The following RTTN variants were observed in gnomAD, a reference collection of about 807,000 sequenced individuals.
RTTN encodes rotatin.
RTTN carries 182 observed loss-of-function variants against 269.2 expected under a neutral mutation model. The observed-to-expected ratio is 0.68, with a 90% CI of 0.60 to 0.76. The LOEUF (loss-of-function observed/expected upper bound fraction) is 0.76, where lower values mean the gene tolerates loss of function less well. Ranked by LOEUF, RTTN falls within the 30% of genes least tolerant of loss-of-function variation. The pLI, the probability that RTTN is intolerant of heterozygous loss-of-function variation, is 0.00. For missense variants in RTTN, 2,545 were observed against 2,608.6 expected (o/e 0.98, Z 0.53); for synonymous variants, 1,006 against 963.5 (o/e 1.04, Z -0.82).
intron 21 of RTTN, among the ~76,000 whole-genome samples, chr18:70,137,899 G>A (rs1399403449): frequency 6.6e-6 from 1 of 152,146 alleles, no homozygotes; most frequent in East Asian, 1.9e-4. Context: ...TATAACCCAA[G>A]GGCCTAGCAT....
At chr18:70,023,261 G>C (rs769438656) in intron 44 of RTTN, among the ~76,000 whole-genome samples, 8 of 152,140 alleles carry the variant, frequency 5.3e-5, no homozygotes, top group Non-Finnish European at 8.8e-5. Flanking sequence ...CCAGATTCCT[G>C]AGCCACAGAA....
At chr18:70,140,497 T>G (rs369099197) in intron 19 of RTTN, among the ~76,000 whole-genome samples, 1 of 152,288 alleles carries the variant, frequency 6.6e-6, no homozygotes, top group East Asian at 1.9e-4. Flanking sequence ...AATGCTTATA[T>G]TTATACATGC....
At chr18:70,035,611 A>AG (rs1229992881) in intron 40 of RTTN, among the ~76,000 whole-genome samples, 2 of 152,256 alleles carry the variant, frequency 1.3e-5, no homozygotes, top group Non-Finnish European at 2.9e-5. Flanking sequence ...AAACGCTGGA[A>AG]GACAACCTAG....
chr18:70,197,737 A>G lies in RTTN; in HGVS notation c.580T>C (p.Ser194Pro), dbSNP rs2061846932. Residue 194 changes from serine to proline, a missense_variant and splice_region_variant, in exon 6 of 49, where the codon TCT becomes CCT. Ser to Pro is a moderately conservative substitution (Grantham distance 74, BLOSUM62 -1). Coordinates refer to ENST00000640769, the MANE Select transcript of RTTN (RefSeq NM_173630.4). ...AAAGTGTGGTTACTACTTCTTAAAG[A>G]GCTACAAAACATAGCGTTAATCATT... is the stretch of plus-strand genomic sequence containing the variant. ...DRHVLSSNES[S>P]LRSSNHTLIW... The G allele has an allele frequency of 1.3e-6, 2 of 1,562,368 alleles. No homozygotes were observed. Among genetic ancestry groups the G allele is most frequent in the African/African-American group, 2.7e-5 (2 of 73,976 alleles).
rs1257564495 is a variant in RTTN, at chr18:70,047,972, T to C, written c.5540A>G (p.Gln1847Arg). 6.2e-7 allele frequency: 1 copy of C among 1,611,498 alleles called. No homozygotes were observed. The highest frequency in any genetic ancestry group is 8.5e-7 in the Non-Finnish European group (1 of 1,177,842). Residue 1847 changes from glutamine to arginine, a missense_variant and splice_region_variant, in exon 40 of 49, where the codon CAG becomes CGG. Physicochemically the swap from Gln to Arg is conservative, Grantham distance 43. Coordinates refer to ENST00000640769, the MANE Select transcript of RTTN (RefSeq NM_173630.4). ...TTGAAAAACCAAGAAATGACGTACC[T>C]GAAGGATTACATCACTAAGTTGTTC... ...SLEQLSDVIL[Q>R]CYEGKSSKDI...
At chr18:70,131,114 A>C (rs1334833373) in intron 23 of RTTN, 1 of 142,620 alleles carries the variant, frequency 7.0e-6, no homozygotes, top group Non-Finnish European at 1.5e-5. Flanking sequence ...ACCTAGTGAT[A>C]ACATTTTTTA....
In RTTN at chr18:70,204,234, G is replaced by C. The variant is rs768271072; in HGVS notation, c.249C>G (p.Asp83Glu). Reference protein sequence around the residue: ...KYPPAVQHLVDVGAVEFLSKL... With the variant: ...KYPPAVQHLVEVGAVEFLSKL... ...TAGATAAGAACTCTACTGCACCAACGTCAACCAAATGTTGGACTGCTGGGG... is the reference window on the plus strand; with the variant it reads ...TAGATAAGAACTCTACTGCACCAACCTCAACCAAATGTTGGACTGCTGGGG... Residue 83 changes from aspartate to glutamate, a missense_variant, in exon 3 of 49, where the codon GAC (aspartate) becomes GAG (glutamate). Coordinates refer to ENST00000640769, the MANE Select transcript of RTTN (RefSeq NM_173630.4). 5.0e-6 allele frequency: 8 copies of C among 1,612,360 alleles called. No individual in the cohort carries two copies. The South Asian group carries it at 6.6e-5, about 13-fold the overall frequency.
chr18:70,062,980 G>A lies in RTTN; in HGVS notation c.4747+2849C>T, dbSNP rs551316466. ...ATATGTTTATCATTATCTATATATT[G>A]TTATATATCTATCAAAAACTATCCT... On this transcript the variant is annotated intron_variant, in intron 35 of 48. Transcript: ENST00000640769. 2.0e-5 allele frequency among the ~76,000 whole-genome samples: 3 copies of A among 152,008 alleles called. No homozygotes were observed. The South Asian group carries it at 6.2e-4, about 32-fold the overall frequency.
At chr18:70,062,734 C>T (rs1377648573) in intron 35 of RTTN, among the ~76,000 whole-genome samples, 3 of 151,634 alleles carry the variant, frequency 2.0e-5, no homozygotes, top group African/African-American at 7.3e-5. Flanking sequence ...ACCTCAGCCT[C>T]CTGAGTAGCT....
rs975699029 is a variant in RTTN at position 70,142,171 on chromosome 18, A to G, written c.2581+117T>C. On this transcript the variant is annotated intron_variant, in intron 19 of 48. Coordinates refer to ENST00000640769, the MANE Select transcript of RTTN (RefSeq NM_173630.4). The stretch of plus-strand genomic sequence containing the variant: ...CCATTCTTGAGGGCTGTCAAAAAAA[A>G]GGCCACAGGCTGGATCTGGCGCATA... The G allele has an allele frequency of 9.4e-6, 6 of 637,248 alleles. No homozygotes were observed. In the Admixed American group the frequency reaches 1.1e-4, roughly 12 times the overall value. 39.5% of individuals were successfully genotyped at this position (637,248 alleles called of 1,614,324 possible).
chr18:70,135,225 A>G lies in RTTN; in HGVS notation c.2844T>C (p.Phe948=), dbSNP rs753691643. 6.5e-7 allele frequency: 1 copy of G among 1,543,538 alleles called. No individual in the cohort carries two copies. The highest frequency in any genetic ancestry group is 8.7e-7 in the Non-Finnish European group (1 of 1,154,826). Residue 948 remains phenylalanine, a synonymous_variant, in exon 22 of 49, where the codon TTT becomes TTC. Coordinates refer to ENST00000640769, the MANE Select transcript of RTTN (RefSeq NM_173630.4). ...CSVVTEVGAL[F]CLLLFDEVSR... is the part of the protein sequence containing the mutation. ...ATACTTCATCAAATAATAGAAGACA[A>G]AATAGTGCTCCAACTTCAGTCACGA...
chr18:70,122,880 T>C (rs949712160), intron 25 of RTTN, among the ~76,000 whole-genome samples: 3 of 152,164 alleles, frequency 2.0e-5, no homozygotes, highest in Admixed American at 2.0e-4. Context: ...AAGTCTTCTA[T>C]GATATCCAGT....
rs1248288485 is a variant in RTTN at position 70,201,955 on chromosome 18, T to C, written c.426A>G (p.Thr142=). Residue 142 remains threonine, a synonymous_variant, in exon 4 of 49, where the codon ACA becomes ACG. Coordinates refer to ENST00000640769, the MANE Select transcript of RTTN (RefSeq NM_173630.4). ...TELSKNPEIL[T]GYFPQDKSNF... ...TACTTTTGTCTTGGGGAAAATATCC[T>C]GTTAAGATTTCAGGGTTTTTTGACA... The C allele has an allele frequency of 1.4e-5, 23 of 1,610,582 alleles. No individual in the cohort carries two copies. The highest frequency in any genetic ancestry group is 1.7e-5 in the Non-Finnish European group (20 of 1,177,000).
chr18:70,052,790 C>G lies in RTTN; in HGVS notation c.5186-1242G>C, dbSNP rs374714463. ...TTTTAAAAACTTCTTTAAAAATATT[C>G]TTAGTGAACTTTTAAAACTTTTTGC... On this transcript the variant is annotated intron_variant, in intron 38 of 48. Transcript: ENST00000640769. Among the ~76,000 whole-genome samples the G allele has an allele frequency of 5.9e-5, 9 of 151,690 alleles. No individual in the cohort carries two copies. The South Asian group carries it at 1.0e-3, about 18-fold the overall frequency.
intron 10 of RTTN, among the ~76,000 whole-genome samples, chr18:70,185,039 C>T (rs1001470232): frequency 1.3e-5 from 2 of 151,776 alleles, no homozygotes; most frequent in African/African-American, 4.8e-5. Flanking sequence ...TAAGAGAAAA[C>T]CGATCAAATA....
chr18:70,115,289 G>A (rs980841183), intron 26 of RTTN, among the ~76,000 whole-genome samples: 1 of 151,824 alleles, frequency 6.6e-6, no homozygotes, highest in Non-Finnish European at 1.5e-5. Flanking sequence ...ACCCAAGCCA[G>A]TGCTATGTGG....
At chr18:70,007,153 G>C (rs1295017948) in intron 46 of RTTN, 1 of 152,334 alleles carries the variant, frequency 6.6e-6, no homozygotes, top group Admixed American at 6.5e-5. Flanking sequence ...GGAATCACAA[G>C]GGGTGGGGGA....
At chr18:70,139,565 C>T (rs981559773) in intron 21 of RTTN, 34 bp downstream of exon 21, 2 of 1,273,602 alleles carry the variant, frequency 1.6e-6, no homozygotes, top group African/African-American at 3.0e-5. Context: ...AATTTAAGAA[C>T]AATCTAATTA....
At chr18:70,171,329 T>C (rs1399306483) in intron 11 of RTTN, among the ~76,000 whole-genome samples, 1 of 152,216 alleles carries the variant, frequency 6.6e-6, no homozygotes, top group Non-Finnish European at 1.5e-5. Flanking sequence ...GGCACTGTGT[T>C]CTAGTTTAAG....
Sources: gnomAD v4.1 joint callset for allele counts (sites outside exome capture counted in the v4.1 genomes callset) on GRCh38, gnomAD v4.1.1 for gene constraint, MANE v1.5 for transcripts, NCBI Gene and HGNC (gene_info 2026-07-23, HGNC 2026-07-21) for gene names.